TBC1D5: variants seen among roughly 807,000 people sequenced by gnomAD.
TBC1D5 encodes the protein TBC1 domain family member 5.
A neutral mutation model predicts 100.3 loss-of-function variants in TBC1D5; 75 were observed. The observed-to-expected ratio is 0.75, with a 90% confidence interval of 0.62 to 0.91. The LOEUF (loss-of-function observed/expected upper bound fraction) is 0.91. Among genes scored for constraint, TBC1D5 ranks in the 40% least tolerant of loss-of-function variants. TBC1D5 has a pLI of 0.00. For synonymous variants in TBC1D5, 323 were observed against 325.6 expected, an observed-to-expected ratio of 0.99 and a Z score of 0.09; for missense variants, 910 against 942.4, an observed-to-expected ratio of 0.97 and a Z score of 0.45.
chr3:17,519,276 T>C (rs1412792708), intron 2 of TBC1D5, among the ~76,000 whole-genome samples: 1 of 152,218 alleles, frequency 6.6e-6, no homozygotes, highest in Non-Finnish European at 1.5e-5. Flanking sequence ...CTAATGTCAA[T>C]GGAAACTACT....
At chr3:17,207,801 T>C (rs1273487797) in intron 18 of TBC1D5, among the ~76,000 whole-genome samples, 4 of 152,258 alleles carry the variant, frequency 2.6e-5, no homozygotes, top group Admixed American at 6.5e-5. Context: ...CAGATTTTAC[T>C]GTACTTAGAC....
chr3:17,170,357 G>C (rs150115713), intron 19 of TBC1D5, among the ~76,000 whole-genome samples: 1 of 152,312 alleles, frequency 6.6e-6, no homozygotes, highest in East Asian at 1.9e-4. Context: ...GGAGCATCAG[G>C]ACATTTGGAG....
At chr3:17,641,582 G>A (rs1178732024) in intron 1 of TBC1D5, among the ~76,000 whole-genome samples, 1 of 151,992 alleles carries the variant, frequency 6.6e-6, no homozygotes, top group Non-Finnish European at 1.5e-5. Context: ...CATTTGCTAC[G>A]CACCTTCCTC....
chr3:17,392,289 T>G (rs565401235), intron 8 of TBC1D5, among the ~76,000 whole-genome samples: 8 of 152,218 alleles, frequency 5.3e-5, no homozygotes, highest in Non-Finnish European at 1.2e-4. Context: ...GTTGTAATAT[T>G]GGTGCAGAAA....
At chr3:17,645,030 T>C (rs559064436) in intron 1 of TBC1D5, among the ~76,000 whole-genome samples, 16 of 152,196 alleles carry the variant, frequency 1.1e-4, no homozygotes, top group Middle Eastern at 3.4e-3. Context: ...ACTGGGGAAG[T>C]TGTGGTAGTC....
chr3:17,661,101 C>G (rs4484221), intron 1 of TBC1D5, among the ~76,000 whole-genome samples: 86,746 of 151,964 alleles, frequency 0.57, 25,586 homozygotes, highest in East Asian at 0.99. Flanking sequence ...AAGAAAAATT[C>G]AATTATAACC....
At chr3:17,166,912 T>A in exon 21 of TBC1D5, 1 of 1,606,324 alleles carries the variant, frequency 6.2e-7, no homozygotes. Flanking sequence ...CAGGGAACCT[T>A]TTAGAATGTC....
chr3:17,510,819 T>C (rs1414848334), intron 2 of TBC1D5, among the ~76,000 whole-genome samples: 1 of 152,022 alleles, frequency 6.6e-6, no homozygotes, highest in Non-Finnish European at 1.5e-5. Context: ...TTCATCCTCC[T>C]TAAAACCCAA....
exon 22 of TBC1D5, chr3:17,160,213 G>T (rs778131493): frequency 6.6e-6 from 1 of 152,176 alleles, no homozygotes; most frequent in African/African-American, 2.4e-5. Context: ...AATTGTTTAA[G>T]GAGAGATATT....
At chr3:17,365,860 G>A (rs184968507) in intron 13 of TBC1D5, among the ~76,000 whole-genome samples, 1 of 152,230 alleles carries the variant, frequency 6.6e-6, no homozygotes, top group Admixed American at 6.5e-5. Flanking sequence ...GTGAATATTA[G>A]CTCAAGAGTT....
intron 2 of TBC1D5, among the ~76,000 whole-genome samples, chr3:17,550,838 C>A (rs1189186246): frequency 6.6e-6 from 1 of 152,062 alleles, no homozygotes; most frequent in African/African-American, 2.4e-5. Flanking sequence ...TATCAATAAA[C>A]TGTCATCACC....
intron 3 of TBC1D5, among the ~76,000 whole-genome samples, chr3:17,436,814 T>C (rs1337583429): frequency 1.3e-5 from 2 of 152,196 alleles, no homozygotes; most frequent in Non-Finnish European, 2.9e-5. Context: ...GTATTACACA[T>C]ATAGCAATAA....
At chr3:17,398,118 T>C (rs572306477) in intron 8 of TBC1D5, among the ~76,000 whole-genome samples, 22 of 152,294 alleles carry the variant, frequency 1.4e-4, no homozygotes, top group African/African-American at 5.3e-4. Context: ...TTTCTTTTAA[T>C]GTTACAGCTT....
At chr3:17,436,741 T>TA (rs1483563941) in intron 3 of TBC1D5, among the ~76,000 whole-genome samples, 2 of 152,098 alleles carry the variant, frequency 1.3e-5, no homozygotes, top group African/African-American at 4.8e-5. Context: ...TGATAAAAGA[T>TA]AAAAAACTAA....
At chr3:17,505,873 T>C (rs2095839682) in intron 3 of TBC1D5, among the ~76,000 whole-genome samples, 1 of 152,224 alleles carries the variant, frequency 6.6e-6, no homozygotes, top group Admixed American at 6.5e-5. Context: ...AATGTCATAT[T>C]TTCTATGCTG....
intron 13 of TBC1D5, among the ~76,000 whole-genome samples, chr3:17,346,760 G>A (rs1393900193): frequency 6.6e-6 from 1 of 152,078 alleles, no homozygotes; most frequent in East Asian, 1.9e-4. Context: ...CATATGGAGT[G>A]GGGTATGCAT....
intron 4 of TBC1D5, among the ~76,000 whole-genome samples, chr3:17,426,495 A>G (rs1381217023): frequency 6.7e-6 from 1 of 150,140 alleles, no homozygotes; most frequent in South Asian, 2.1e-4. Context: ...TACATACTGT[A>G]TTACTTGAGC....
In TBC1D5 at chr3:17,607,517, C is replaced by T. The variant is rs527513167; in HGVS notation, c.-36+16332G>A. 7.3e-5 allele frequency among the ~76,000 whole-genome samples: 11 copies of T among 149,690 alleles called. No homozygotes were observed. The East Asian group carries it at 1.8e-3, about 24-fold the overall frequency. On this transcript the variant is annotated intron_variant, in intron 2 of 21. Transcript: ENST00000253692. ...TGAAACCTGCAGTTCTCAGAGATTG[C>T]GAAGGAAACAAATCAAGGTTGAGCT...
chr3:17,358,685 A>C (rs2091440524), intron 13 of TBC1D5, among the ~76,000 whole-genome samples: 1 of 152,198 alleles, frequency 6.6e-6, no homozygotes, highest in African/African-American at 2.4e-5. Flanking sequence ...TATTAAAATG[A>C]TTACAAATTC....
Sources: allele counts gnomAD v4.1 joint callset (sites outside exome capture counted in the v4.1 genomes callset), GRCh38; gene constraint gnomAD v4.1.1; transcripts MANE v1.5; gene names NCBI Gene and HGNC (gene_info 2026-07-23, HGNC 2026-07-21).